The following AK8 variants were observed in gnomAD, a reference collection of about 807,000 sequenced individuals.
AK8 encodes ATP-AMP transphosphorylase 8.
AK8 carries 44 observed loss-of-function variants against 54.6 expected under a neutral mutation model. The ratio of observed to expected loss-of-function variants is 0.81; its 90% CI spans 0.63 to 1.04. The LOEUF (loss-of-function observed/expected upper bound fraction) is 1.04, where lower values mean the gene tolerates loss of function less well. Ranked by LOEUF, AK8 falls within the 50% of genes least tolerant of loss-of-function variation. The pLI is 0.00. For missense variants in AK8, 555 were observed against 613.6 expected, an observed-to-expected ratio of 0.90 and a Z score of 1.01; for synonymous variants, 239 against 245.6, an observed-to-expected ratio of 0.97 and a Z score of 0.25.
chr9:132,819,261 T>C (rs1841471594), intron 9 of AK8, among the ~76,000 whole-genome samples: 1 of 152,252 alleles, frequency 6.6e-6, no homozygotes, highest in African/African-American at 2.4e-5. Flanking sequence ...TTGCATAGCA[T>C]TTACATTATA....
intron 11 of AK8, among the ~76,000 whole-genome samples, chr9:132,782,322 C>T (rs1171267938): frequency 6.6e-6 from 1 of 152,142 alleles, no homozygotes; most frequent in East Asian, 1.9e-4. Flanking sequence ...ACACCCTGCC[C>T]CTGCCTTCTT....
chr9:132,836,730 T>C (rs182967577), intron 5 of AK8, among the ~76,000 whole-genome samples: 4 of 152,324 alleles, frequency 2.6e-5, no homozygotes, highest in East Asian at 1.9e-4. Context: ...AGTTAACAGC[T>C]ACTGTGGATT....
At chr9:132,735,887 G>A (rs536733531) in intron 11 of AK8, among the ~76,000 whole-genome samples, 57 of 152,216 alleles carry the variant, frequency 3.7e-4, no homozygotes, top group African/African-American at 1.2e-3. Flanking sequence ...ACAGGGACAC[G>A]TTCTGAGAAA....
chr9:132,823,271 C>G lies in AK8; in HGVS notation c.823G>C (p.Gly275Arg). ...APFTPRVLLL[G>R]PVGSGKSLQA... ...AGACTTTTCCCACTGCCCACAGGCC[C>G]GAGCAGCAGCACCCTCGGGGTGAAC... The change falls in exon 9 of 13, where the codon GGG becomes CGG. Residue 275 changes from glycine (G) to arginine (R), a missense_variant. Transcript: ENST00000298545. 2 of 1,612,138 alleles carry G rather than the reference C, an allele frequency of 1.2e-6. No individual in the cohort carries two copies. The highest frequency in any genetic ancestry group is 1.7e-6 in the Non-Finnish European group (2 of 1,179,148).
At chr9:132,827,169 T>C in intron 7 of AK8, 115 bp from the exon 8 acceptor site, 2 of 1,037,976 alleles carry the variant, frequency 1.9e-6, no homozygotes, top group Non-Finnish European at 2.9e-6. Context: ...ATTCCTGGGG[T>C]GTGGCTGACC....
intron 10 of AK8, among the ~76,000 whole-genome samples, chr9:132,805,181 C>G (rs926178661): frequency 6.6e-6 from 1 of 152,226 alleles, no homozygotes; most frequent in African/African-American, 2.4e-5. Flanking sequence ...GCCGCTGGGG[C>G]TGCCCACGGA....
chr9:132,812,668 T>C (rs929281515), intron 10 of AK8, among the ~76,000 whole-genome samples: 3 of 147,374 alleles, frequency 2.0e-5, no homozygotes, highest in African/African-American at 7.5e-5. Flanking sequence ...AAGGGACCTC[T>C]ACCTCCATCC....
intron 11 of AK8, among the ~76,000 whole-genome samples, chr9:132,776,820 C>G (rs185333438): frequency 6.6e-6 from 1 of 152,314 alleles, no homozygotes; most frequent in African/African-American, 2.4e-5. Flanking sequence ...TGGCTAAAAA[C>G]TCTTGATTCC....
At chr9:132,742,169 C>CTTTTTT (rs573195791) in intron 11 of AK8, among the ~76,000 whole-genome samples, 2 of 126,618 alleles carry the variant, frequency 1.6e-5, no homozygotes, top group Non-Finnish European at 3.3e-5. Flanking sequence ...TGGACTTGGA[C>CTTTTTT]TTTTTTTTTT....
At chr9:132,832,351 C>T (rs975703816) in intron 5 of AK8, among the ~76,000 whole-genome samples, 4 of 151,910 alleles carry the variant, frequency 2.6e-5, no homozygotes, top group Non-Finnish European at 4.4e-5. Flanking sequence ...GCCAGCCAAG[C>T]GCCGGGCTGC....
chr9:132,761,710 A>G (rs1438610227), intron 11 of AK8, among the ~76,000 whole-genome samples: 3 of 152,046 alleles, frequency 2.0e-5, no homozygotes, highest in Non-Finnish European at 4.4e-5. Flanking sequence ...TATATTTATT[A>G]TCAAAATGTG....
intron 11 of AK8, among the ~76,000 whole-genome samples, chr9:132,745,696 C>T (rs894921652): frequency 1.3e-5 from 2 of 152,100 alleles, no homozygotes; most frequent in African/African-American, 4.8e-5. Context: ...CTGTATTGTT[C>T]ACACCCTGTG....
intron 12 of AK8, among the ~76,000 whole-genome samples, chr9:132,726,531 G>T (rs1193039248): frequency 6.6e-6 from 1 of 152,154 alleles, no homozygotes; most frequent in Non-Finnish European, 1.5e-5. Context: ...GCCTCCCAAA[G>T]TGCTGGGATT....
intron 5 of AK8, among the ~76,000 whole-genome samples, chr9:132,839,065 T>TC (rs1210516839): frequency 6.6e-6 from 1 of 152,046 alleles, no homozygotes; most frequent in East Asian, 1.9e-4. Context: ...TGCCTCAGCC[T>TC]CCTAAGTAGT....
intron 11 of AK8, among the ~76,000 whole-genome samples, chr9:132,780,092 A>T (rs766522156): frequency 2.0e-5 from 3 of 152,232 alleles, no homozygotes; most frequent in Non-Finnish European, 2.9e-5. Context: ...GAGGAGGGAA[A>T]GGGAAGAAGT....
chr9:132,821,057 T>C (rs1319033432), intron 9 of AK8, among the ~76,000 whole-genome samples: 1 of 152,168 alleles, frequency 6.6e-6, no homozygotes, highest in East Asian at 1.9e-4. Context: ...CTTTTCTATT[T>C]TCATTTTTGG....
chr9:132,797,322 G>A (rs1429117065), intron 10 of AK8, among the ~76,000 whole-genome samples: 1 of 151,750 alleles, frequency 6.6e-6, no homozygotes, highest in Non-Finnish European at 1.5e-5. Context: ...GGGAGGGAGG[G>A]AAGGAAAAAA....
chr9:132,815,871 T>C (rs1369217907), intron 9 of AK8, among the ~76,000 whole-genome samples: 1 of 152,258 alleles, frequency 6.6e-6, no homozygotes, highest in Non-Finnish European at 1.5e-5. Context: ...TTTCTGCCTA[T>C]ACTAAGGAGA....
At chr9:132,751,391 A>T (rs930503786) in intron 11 of AK8, among the ~76,000 whole-genome samples, 2 of 150,632 alleles carry the variant, frequency 1.3e-5, no homozygotes, top group Non-Finnish European at 3.0e-5. Context: ...AAAAAAAAAA[A>T]AAAAACAAAA....
Sources: gnomAD v4.1 joint callset for allele counts (sites outside exome capture counted in the v4.1 genomes callset) on GRCh38, gnomAD v4.1.1 for gene constraint, MANE v1.5 for transcripts, NCBI Gene and HGNC (gene_info 2026-07-23, HGNC 2026-07-21) for gene names.